The following C17orf107 variants were observed in gnomAD, a reference collection of about 807,000 sequenced individuals.
C17orf107 encodes chromosome 17 open reading frame 107.
C17orf107 carries 9 observed loss-of-function variants against 8.9 expected under a neutral mutation model. The observed-to-expected ratio is 1.02, with a 90% CI of 0.61 to 1.77. The LOEUF is 1.77. C17orf107 is among the 40% of genes most tolerant of loss of function. The probability of loss-of-function intolerance (pLI) is 0.00; values close to 1 mark genes in which losing one functional copy is unlikely to be tolerated. For synonymous variants in C17orf107, 139 were observed against 120.3 expected (o/e 1.16, Z -1.02); for missense variants, 281 against 249.0 (o/e 1.13, Z -0.86).
chr17:4,905,483 T>A (rs887516172), downstream of C17orf107, among the ~76,000 whole-genome samples: 3 of 152,296 alleles, frequency 2.0e-5, no homozygotes, highest in South Asian at 4.1e-4. Context: ...GAGGATTGCT[T>A]GACCCTAAGA....
At chr17:4,904,018 C>A, downstream of C17orf107, among the ~76,000 whole-genome samples, 1 of 152,122 alleles carries the variant, frequency 6.6e-6, no homozygotes, top group Middle Eastern at 3.4e-3. Flanking sequence ...CCACCATGCC[C>A]GGCTAATTTT....
Position 4,900,080 on chromosome 17 carries a change from A to G in C17orf107, c.211A>G (p.Thr71Ala), listed in dbSNP as rs1422701351. The change falls in exon 2 of 3, where the codon ACC becomes GCC. Residue 71 changes from threonine (T) to alanine (A), a missense_variant. Coordinates refer to ENST00000381365, the MANE Select transcript of C17orf107 (RefSeq NM_001145536.2). ...GGGGATGCTGCCTGCCCCGAAGCCCACCCTGGGGCTGGTGTTGAGAGAAGC... is the reference window on the plus strand; with the variant it reads ...GGGGATGCTGCCTGCCCCGAAGCCCGCCCTGGGGCTGGTGTTGAGAGAAGC... ...MQGMLPAPKPTLGLVLREATA... is the reference protein window; with the variant it reads ...MQGMLPAPKPALGLVLREATA... 1 of 1,550,846 alleles carries G rather than the reference A, an allele frequency of 6.4e-7. No individual in the cohort carries two copies. Among genetic ancestry groups the G allele is most frequent in the Non-Finnish European group, 8.7e-7 (1 of 1,146,966 alleles).
At chr17:4,903,203 G>A, downstream of C17orf107, 1 of 852,696 alleles carries the variant, frequency 1.2e-6, no homozygotes, top group Non-Finnish European at 1.9e-6. Flanking sequence ...CACCCCTGCT[G>A]CAGCTGGGGA....
At chr17:4,905,094 G>A (rs1970074899), downstream of C17orf107, among the ~76,000 whole-genome samples, 1 of 152,204 alleles carries the variant, frequency 6.6e-6, no homozygotes, top group Non-Finnish European at 1.5e-5. Flanking sequence ...CCCCCTTACA[G>A]GGCCGAGTGC....
chr17:4,903,029 A>C (rs758635056), downstream of C17orf107: 9 of 1,613,670 alleles, frequency 5.6e-6, no homozygotes, highest in Admixed American at 1.5e-4. Flanking sequence ...GAGAAGCCCC[A>C]AGAGGAGCAG....
downstream of C17orf107, among the ~76,000 whole-genome samples, chr17:4,906,667 A>C (rs1006656025): frequency 9.2e-5 from 14 of 152,278 alleles, no homozygotes; most frequent in African/African-American, 3.4e-4. Context: ...AGCCTGGGCA[A>C]TATAGTGAGA....
At chr17:4,906,268 C>T (rs1454823962), downstream of C17orf107, among the ~76,000 whole-genome samples, 1 of 152,140 alleles carries the variant, frequency 6.6e-6, no homozygotes, top group Non-Finnish European at 1.5e-5. Context: ...GTGGCAGGCC[C>T]TGACACCACA....
At position 4,900,346 on chromosome 17, in the gene C17orf107, C is replaced by T. The variant is rs1969940042; in HGVS notation, c.386C>T (p.Ala129Val). The T allele has an allele frequency of 6.5e-7, 1 of 1,547,326 alleles. No individual in the cohort carries two copies. The highest frequency in any genetic ancestry group is 2.4e-5 in the East Asian group (1 of 40,880). ...GCGCTGAGCCGGGTAGCCCAAGCCG[C>T]AGGGCAGGGGGTTCGGCAAGCTGGG... ...GAALSRVAQA[A>V]GQGVRQAGAA... The change falls in exon 3 of 3, where the codon GCA (alanine) becomes GTA (valine). Residue 129 changes from alanine (A) to valine (V), a missense_variant. Transcript: ENST00000381365.
rs773916039 is a variant in C17orf107 at position 4,901,160 on chromosome 17, G to A, written c.*627G>A. The A allele has an allele frequency of 3.7e-6, 6 of 1,609,076 alleles. No homozygotes were observed. In the South Asian group the frequency reaches 5.5e-5, roughly 15 times the overall value. On this transcript the variant is annotated 3_prime_UTR_variant, in exon 3 of 3. Coordinates refer to ENST00000381365, the MANE Select transcript of C17orf107 (RefSeq NM_001145536.2). The stretch of plus-strand genomic sequence containing the variant: ...ACCGTGGTGGCGGCGGATCACCCCC[G>A]GGCAGAAGTCGATGGCCCACTCGCC...
At chr17:4,906,674 G>A (rs1970096089), downstream of C17orf107, among the ~76,000 whole-genome samples, 1 of 151,950 alleles carries the variant, frequency 6.6e-6, no homozygotes, top group Non-Finnish European at 1.5e-5. Flanking sequence ...GCAATATAGT[G>A]AGACCTCATC....
chr17:4,901,157 C>G lies in C17orf107; in HGVS notation c.*624C>G. On this transcript the variant is annotated 3_prime_UTR_variant, in exon 3 of 3. Transcript: ENST00000381365. ...GCCACCGTGGTGGCGGCGGATCACC[C>G]CCGGGCAGAAGTCGATGGCCCACTC... is the stretch of plus-strand genomic sequence containing the variant. 1.9e-6 allele frequency: 3 copies of G among 1,609,698 alleles called. No homozygotes were observed. Among genetic ancestry groups the G allele is most frequent in the East Asian group, 2.2e-5 (1 of 44,850 alleles).
chr17:4,899,710 C>T lies in C17orf107; in HGVS notation c.-53C>T. ...ACGCCCTCCAGCTGCGCCCCCTACA[C>T]GACGACAGACGCGTCCCCCAGCCCT... On this transcript the variant is annotated 5_prime_UTR_variant, in exon 1 of 3. It adds an upstream start codon to the 5' untranslated region. Coordinates refer to ENST00000381365, the MANE Select transcript of C17orf107 (RefSeq NM_001145536.2). The T allele has an allele frequency of 6.6e-7, 1 of 1,512,620 alleles. No individual in the cohort carries two copies. The highest frequency in any genetic ancestry group is 2.5e-5 in the East Asian group (1 of 40,730). 93.7% of individuals were successfully genotyped at this position (1,512,620 alleles called of 1,614,324 possible).
At position 4,901,698 on chromosome 17, in the gene C17orf107, G is replaced by A. The variant is rs1243546579; in HGVS notation, c.*1165G>A. On this transcript the variant is annotated 3_prime_UTR_variant, in exon 3 of 3. Transcript: ENST00000381365. ...CCCGGCCTCAGGCCCAGCCCTGGAA[G>A]CTGGGATCTAGCGGGGCCGCGATCC... 22 of 1,473,838 alleles carry A rather than the reference G, an allele frequency of 1.5e-5. No homozygotes were observed. Among genetic ancestry groups the A allele is most frequent in the East Asian group, 6.8e-5 (3 of 44,042 alleles). The allele number at this position is 1,473,838 out of a possible 1,614,324, so 91.3% of individuals were successfully genotyped here.
chr17:4,903,101 C>A (rs994375001), downstream of C17orf107: 10 of 1,612,870 alleles, frequency 6.2e-6, no homozygotes, highest in African/African-American at 4.0e-5. Flanking sequence ...TGAGCTCTGG[C>A]AGGCTTGGAG....
In C17orf107 at chr17:4,901,741, C is replaced by T. The variant is rs1969992963; in HGVS notation, c.*1208C>T. 2.4e-6 allele frequency: 3 copies of T among 1,269,474 alleles called. No homozygotes were observed. The highest frequency in any genetic ancestry group is 2.6e-4 in the Middle Eastern group (1 of 3,850). 78.6% of individuals were successfully genotyped at this position (1,269,474 alleles called of 1,614,324 possible). On this transcript the variant is annotated 3_prime_UTR_variant, in exon 3 of 3. Coordinates refer to ENST00000381365, the MANE Select transcript of C17orf107 (RefSeq NM_001145536.2). ...CGCGATCCCAAGCCCACCCCTTCAC[C>T]CAAGCCCAGCCCGCACGCCTCTGTT...
chr17:4,900,027 C>T lies in C17orf107; in HGVS notation c.158C>T (p.Ser53Phe), dbSNP rs779635544. ...GAGCAGAGGTTCAGAGAGCTGAAGT[C>T]CCTGGAGCCACCCGAACCGAAGATG... ...YLEQRFRELK[S>F]LEPPEPKMQG... Residue 53 changes from serine (S) to phenylalanine (F), a missense_variant, in exon 2 of 3, where the codon TCC (serine) becomes TTC (phenylalanine). Transcript: ENST00000381365. 9.8e-5 allele frequency: 152 copies of T among 1,551,502 alleles called. No individual in the cohort carries two copies. The African/African-American group carries it at 1.5e-3, about 15-fold the overall frequency.
Position 4,902,558 on chromosome 17 carries a change from G to A in C17orf107, c.*2025G>A. The A allele has an allele frequency of 1.9e-6, 3 of 1,613,832 alleles. No individual in the cohort carries two copies. The highest frequency in any genetic ancestry group is 2.5e-6 in the Non-Finnish European group (3 of 1,179,680). On this transcript the variant is annotated 3_prime_UTR_variant, in exon 3 of 3. Coordinates refer to ENST00000381365, the MANE Select transcript of C17orf107 (RefSeq NM_001145536.2). This position sits in a 1 kb window ranked among gnomAD's most constrained non-coding sequence, Gnocchi z 4.0. The stretch of plus-strand genomic sequence containing the variant: ...AGGGCCAGAAGTGAGCTTTAGGACA[G>A]AGCTCAGCGGTTGGGGCCAGAAGTG...
Position 4,900,636 on chromosome 17 carries a change from G to A in C17orf107, c.*103G>A, listed in dbSNP as rs1273893045. ...ACGTCCAGCAGCAGTGAGGAGGACGGCGGACCAGGGACTCCATCCCCGTAC... is the reference window on the plus strand; with the variant it reads ...ACGTCCAGCAGCAGTGAGGAGGACGACGGACCAGGGACTCCATCCCCGTAC... On this transcript the variant is annotated 3_prime_UTR_variant, in exon 3 of 3. Transcript: ENST00000381365. 8 of 1,474,790 alleles carry A rather than the reference G, an allele frequency of 5.4e-6. No individual in the cohort carries two copies. The East Asian group carries it at 2.0e-4, about 36-fold the overall frequency. 91.4% of individuals were successfully genotyped at this position (1,474,790 alleles called of 1,614,324 possible). A position where few individuals can be genotyped will look rare whatever the true frequency, so the allele number is the denominator to read the frequency against.
chr17:4,899,854 C>T (rs1412043957), intron 1 of C17orf107, 26 bp downstream of exon 1: 1 of 1,550,414 alleles, frequency 6.4e-7, no homozygotes, highest in East Asian at 2.4e-5. Context: ...CCAAGGGCTG[C>T]ACCTCGAGAC....
Sources: allele counts gnomAD v4.1 joint callset (sites outside exome capture counted in the v4.1 genomes callset), GRCh38; gene constraint gnomAD v4.1.1; non-coding constraint Gnocchi (gnomAD v3.1); transcripts MANE v1.5; gene names NCBI Gene and HGNC (gene_info 2026-07-23, HGNC 2026-07-21).